Variants in AUTS2 observed in about 807,000 individuals in gnomAD.
AUTS2 encodes autism susceptibility gene 2 protein.
Under a neutral mutation model 112.4 loss-of-function variants are expected in AUTS2, and 17 were observed. The ratio of observed to expected loss-of-function variants is 0.15; its 90% confidence interval spans 0.10 to 0.23. The LOEUF is 0.23. Among genes scored for constraint, AUTS2 ranks in the 10% least tolerant of loss-of-function variants. The probability of loss-of-function intolerance (pLI) is 1.00; values close to 1 mark genes in which losing one functional copy is unlikely to be tolerated. For synonymous variants in AUTS2, 751 were observed against 702.7 expected (o/e 1.07, Z -1.09); for missense variants, 1,510 against 1,701.6 (o/e 0.89, Z 1.98).
intron 5 of AUTS2, among the ~76,000 whole-genome samples, chr7:70,624,474 T>C (rs144726019): frequency 6.6e-6 from 1 of 152,366 alleles, no homozygotes; most frequent in East Asian, 1.9e-4. Context: ...TAAATTGTTT[T>C]CTGAAAGAGG....
intron 4 of AUTS2, among the ~76,000 whole-genome samples, chr7:70,254,363 T>G (rs1214445187): frequency 6.6e-6 from 1 of 152,224 alleles, no homozygotes; most frequent in Non-Finnish European, 1.5e-5. Flanking sequence ...ATTATATTAT[T>G]CCAACCCTTC....
chr7:70,421,355 T>C (rs1161966591), intron 4 of AUTS2, among the ~76,000 whole-genome samples: 1 of 138,118 alleles, frequency 7.2e-6, no homozygotes, highest in African/African-American at 2.7e-5. Flanking sequence ...TACTCCAAAA[T>C]GTTGGCAGTC....
At chr7:70,169,302 G>A (rs190597011) in intron 4 of AUTS2, among the ~76,000 whole-genome samples, 66 of 151,804 alleles carry the variant, frequency 4.3e-4, no homozygotes, top group African/African-American at 1.5e-3. Context: ...GTGCAGTGTC[G>A]CGATCTTGGC....
chr7:70,569,262 G>A (rs1392465715), intron 5 of AUTS2, among the ~76,000 whole-genome samples: 1 of 152,216 alleles, frequency 6.6e-6, no homozygotes, highest in African/African-American at 2.4e-5. Context: ...CCTGTGCCCT[G>A]AGGACATTAT....
At chr7:69,960,925 A>G (rs1797405513) in intron 2 of AUTS2, among the ~76,000 whole-genome samples, 1 of 152,044 alleles carries the variant, frequency 6.6e-6, no homozygotes. Context: ...GTTGTTTTAT[A>G]AGAGGAGGTC....
At chr7:70,211,846 C>T (rs1050329864) in intron 4 of AUTS2, among the ~76,000 whole-genome samples, 29 of 142,800 alleles carry the variant, frequency 2.0e-4, no homozygotes, top group South Asian at 9.1e-4. Flanking sequence ...ATTAGCGGGG[C>T]GTGATGGCGG....
intron 1 of AUTS2, among the ~76,000 whole-genome samples, chr7:69,772,420 C>T (rs531580615): frequency 6.6e-6 from 1 of 152,316 alleles, no homozygotes; most frequent in East Asian, 1.9e-4. Flanking sequence ...AAGGTCCTTT[C>T]TGTCAGGGAA....
intron 5 of AUTS2, among the ~76,000 whole-genome samples, chr7:70,449,500 A>C (rs536363334): frequency 6.5e-4 from 99 of 152,210 alleles, no homozygotes; most frequent in African/African-American, 2.1e-3. Context: ...ATGGTGCTGG[A>C]GTCAGTAGAG....
chr7:70,113,707 T>A (rs191273313), intron 2 of AUTS2, among the ~76,000 whole-genome samples: 1 of 152,354 alleles, frequency 6.6e-6, no homozygotes, highest in African/African-American at 2.4e-5. Flanking sequence ...GGCATAGATA[T>A]ATTCTCCACA....
intron 5 of AUTS2, among the ~76,000 whole-genome samples, chr7:70,458,410 C>T (rs963576782): frequency 6.6e-6 from 1 of 152,196 alleles, no homozygotes; most frequent in African/African-American, 2.4e-5. Flanking sequence ...AGCATGGTCT[C>T]TCAAGTATAA....
intron 5 of AUTS2, among the ~76,000 whole-genome samples, chr7:70,494,635 AG>A (rs1195375183): frequency 2.0e-5 from 3 of 150,114 alleles, no homozygotes; most frequent in African/African-American, 7.4e-5. Context: ...CTTGCTCTGC[AG>A]CCTCCAACTC....
intron 2 of AUTS2, among the ~76,000 whole-genome samples, chr7:70,069,708 G>GTT (rs5884773): frequency 0.04 from 5,541 of 139,356 alleles, 116 homozygotes; most frequent in Non-Finnish European, 0.05. Flanking sequence ...GGTTTTTTTT[G>GTT]TTTTTTTTTT....
chr7:70,609,164 A>T (rs966996001), intron 5 of AUTS2, among the ~76,000 whole-genome samples: 1 of 152,122 alleles, frequency 6.6e-6, no homozygotes, highest in Non-Finnish European at 1.5e-5. Flanking sequence ...GATCTTCTAA[A>T]CACATTCCTT....
Position 69,814,325 on chromosome 7 carries a change from A to G in AUTS2, c.310-84961A>G, listed in dbSNP as rs533532573. Among the ~76,000 whole-genome samples, 3 of 152,326 alleles carry G rather than the reference A, an allele frequency of 2.0e-5. No individual in the cohort carries two copies. The East Asian group carries it at 5.8e-4, about 29-fold the overall frequency. On this transcript the variant is annotated intron_variant, in intron 1 of 18. Transcript: ENST00000342771. Reference sequence around the variant, plus strand: ...CCCCACTAGTTCCCCTGGGTTTCTGATCAGGCAGTTTGGAGTGAGAAAATG... The same window carrying G: ...CCCCACTAGTTCCCCTGGGTTTCTGGTCAGGCAGTTTGGAGTGAGAAAATG...
Position 70,527,911 on chromosome 7 carries a change from T to C in AUTS2, c.690+92130T>C, listed in dbSNP as rs573720239. ...AATTGGGAGACAAATTGTGTGGGCA[T>C]TGGGGCCTGGAGTTTAGTTTCCAGG... On this transcript the variant is annotated intron_variant, in intron 5 of 18. Transcript: ENST00000342771. 6.6e-5 allele frequency among the ~76,000 whole-genome samples: 10 copies of C among 152,272 alleles called. No homozygotes were observed. In the South Asian group the frequency reaches 1.7e-3, roughly 25 times the overall value.
chr7:70,099,011 T>A (rs1469607564), intron 2 of AUTS2, among the ~76,000 whole-genome samples: 1 of 152,106 alleles, frequency 6.6e-6, no homozygotes, highest in Non-Finnish European at 1.5e-5. Flanking sequence ...CTTATACTGT[T>A]TTTTCTTATC....
intron 1 of AUTS2, among the ~76,000 whole-genome samples, chr7:69,702,130 A>G (rs944826591): frequency 6.6e-6 from 1 of 152,144 alleles, no homozygotes; most frequent in African/African-American, 2.4e-5. Context: ...CTCAATGGAG[A>G]GGGTAGACAG....
chr7:69,643,962 A>G (rs765813023), intron 1 of AUTS2, among the ~76,000 whole-genome samples: 2 of 152,190 alleles, frequency 1.3e-5, no homozygotes, highest in Non-Finnish European at 2.9e-5. Context: ...ATGTGTGTAC[A>G]GACATACATA....
rs879396764 is a variant in AUTS2 at position 69,612,466 on chromosome 7, C to CT, written c.309+12516dup. Among the ~76,000 whole-genome samples, 977 of 145,814 alleles carry CT rather than the reference C, an allele frequency of 6.7e-3. 3 individuals are homozygous for CT. The highest frequency in any genetic ancestry group is 0.011 in the Admixed American group (166 of 14,568). On this transcript the variant is annotated intron_variant, in intron 1 of 18. Coordinates refer to ENST00000342771, the MANE Select transcript of AUTS2 (RefSeq NM_015570.4). ...TTCTCCCTATATTTCTATTTTAAAACTTTTTTTTTTTTAGACATGTTCTCG... is the reference window on the plus strand; with the variant it reads ...TTCTCCCTATATTTCTATTTTAAAACTTTTTTTTTTTTTAGACATGTTCTCG...
Sources: allele counts gnomAD v4.1 joint callset (sites outside exome capture counted in the v4.1 genomes callset), GRCh38; gene constraint gnomAD v4.1.1; transcripts MANE v1.5; gene names NCBI Gene and HGNC (gene_info 2026-07-23, HGNC 2026-07-21).